The following MPPED2 variants were observed in gnomAD, a reference collection of about 807,000 sequenced individuals.
MPPED2 encodes the protein metallophosphoesterase domain containing 2, also known as metallophosphoesterase MPPED2.
Under a neutral mutation model 33.0 loss-of-function variants are expected in MPPED2, and 5 were observed. That is an observed-to-expected ratio of 0.15 (90% confidence interval 0.08 to 0.32). The LOEUF is 0.32. Ranked by LOEUF, MPPED2 falls within the 10% of genes least tolerant of loss-of-function variation. MPPED2 has a pLI of 1.00. For synonymous variants in MPPED2, 136 were observed against 141.9 expected (o/e 0.96, Z 0.29); for missense variants, 275 against 372.1 (o/e 0.74, Z 2.15).
intron 4 of MPPED2, among the ~76,000 whole-genome samples, chr11:30,422,256 C>T (rs1306639313): frequency 6.6e-6 from 1 of 152,170 alleles, no homozygotes; most frequent in Non-Finnish European, 1.5e-5. Flanking sequence ...GAACTTGGAG[C>T]CTGCTTACTC....
chr11:30,560,410 T>C (rs1956187696), intron 2 of MPPED2, among the ~76,000 whole-genome samples: 1 of 152,058 alleles, frequency 6.6e-6, no homozygotes, highest in African/African-American at 2.4e-5. Flanking sequence ...CATTTACTCT[T>C]AGTAAGCAGA....
At chr11:30,577,054 T>C (rs1956962384) in intron 2 of MPPED2, among the ~76,000 whole-genome samples, 1 of 152,112 alleles carries the variant, frequency 6.6e-6, no homozygotes, top group Non-Finnish European at 1.5e-5. Flanking sequence ...GGGGACTGGG[T>C]CTTATTTATT....
intron 4 of MPPED2, among the ~76,000 whole-genome samples, chr11:30,433,274 T>C (rs1015202274): frequency 1.3e-5 from 2 of 152,232 alleles, no homozygotes; most frequent in African/African-American, 2.4e-5. Context: ...GATTCTGAGA[T>C]ACCCTGCAGA....
chr11:30,450,811 G>A (rs1950024017), intron 4 of MPPED2, among the ~76,000 whole-genome samples: 1 of 152,164 alleles, frequency 6.6e-6, no homozygotes, highest in South Asian at 2.1e-4. Context: ...CTCTGTATCG[G>A]GTACAGATAG....
intron 2 of MPPED2, among the ~76,000 whole-genome samples, chr11:30,536,996 A>T (rs1954847739): frequency 1.3e-5 from 2 of 152,184 alleles, no homozygotes; most frequent in Non-Finnish European, 2.9e-5. Context: ...TAGAGACCTA[A>T]GCACTGTGAA....
intron 4 of MPPED2, among the ~76,000 whole-genome samples, chr11:30,492,904 C>G (rs1015872687): frequency 6.6e-6 from 1 of 152,044 alleles, no homozygotes; most frequent in African/African-American, 2.4e-5. Context: ...TCTTATCTGC[C>G]AAATGAGAAT....
chr11:30,518,704 A>C (rs989821518), intron 3 of MPPED2, among the ~76,000 whole-genome samples: 1 of 152,120 alleles, frequency 6.6e-6, no homozygotes, highest in African/African-American at 2.4e-5. Flanking sequence ...GATGAACTGA[A>C]CACTTTTCTT....
intron 3 of MPPED2, 147 bp downstream of exon 3, chr11:30,535,847 A>C: frequency 1.8e-6 from 1 of 565,804 alleles, no homozygotes; most frequent in Non-Finnish European, 2.9e-6. Flanking sequence ...TTTAATTAAC[A>C]GAATTGGATT....
intron 3 of MPPED2, among the ~76,000 whole-genome samples, chr11:30,516,866 A>C (rs2134345753): frequency 6.6e-6 from 1 of 152,322 alleles, no homozygotes; most frequent in South Asian, 2.1e-4. Context: ...CAATTGAGCA[A>C]GCATTTTCTT....
intron 4 of MPPED2, among the ~76,000 whole-genome samples, chr11:30,469,296 AAGT>A (rs1323035374): frequency 6.6e-6 from 1 of 152,186 alleles, no homozygotes; most frequent in African/African-American, 2.4e-5. Context: ...TTAATATCAA[AAGT>A]AGTATTGAAT....
Position 30,486,453 on chromosome 11 carries a change from A to C in MPPED2, c.536+8843T>G, listed in dbSNP as rs141855532. On this transcript the variant is annotated intron_variant, in intron 4 of 6. Coordinates refer to ENST00000358117, the MANE Select transcript of MPPED2 (RefSeq NM_001584.3). ...TATTTGACAATTGGTTTTAATGTCC[A>C]TAGGACGTTCTGAGGGCCCACCTGG... is the stretch of plus-strand genomic sequence containing the variant. Among the ~76,000 whole-genome samples, 11 of 152,338 alleles carry C rather than the reference A, an allele frequency of 7.2e-5. No individual in the cohort carries two copies. The East Asian group carries it at 2.1e-3, about 29-fold the overall frequency.
chr11:30,444,739 C>T (rs1279811396), intron 4 of MPPED2, among the ~76,000 whole-genome samples: 1 of 152,130 alleles, frequency 6.6e-6, no homozygotes, highest in African/African-American at 2.4e-5. Context: ...ATCTTCCCCA[C>T]TTGTTTAATT....
intron 3 of MPPED2, among the ~76,000 whole-genome samples, chr11:30,503,628 C>G (rs1269174425): frequency 6.6e-6 from 1 of 152,090 alleles, no homozygotes; most frequent in African/African-American, 2.4e-5. Context: ...GAAAGAGAGC[C>G]TCCAAAAGCA....
At chr11:30,407,539 AC>A (rs574765865), downstream of MPPED2, among the ~76,000 whole-genome samples, 105 of 152,278 alleles carry the variant, frequency 6.9e-4, no homozygotes, top group Middle Eastern at 0.02. Context: ...CAGAAACAAT[AC>A]CGCTGCTGCT....
At chr11:30,585,350 G>T (rs1295011647) in intron 1 of MPPED2, among the ~76,000 whole-genome samples, 2 of 151,990 alleles carry the variant, frequency 1.3e-5, no homozygotes, top group Non-Finnish European at 2.9e-5. Context: ...GCGGGGACGG[G>T]GTGAGAAAGA....
intron 3 of MPPED2, among the ~76,000 whole-genome samples, chr11:30,524,963 A>G (rs888685981): frequency 2.6e-5 from 4 of 152,194 alleles, no homozygotes; most frequent in Non-Finnish European, 5.9e-5. Context: ...CCATTCTAAC[A>G]ATAAAACCTC....
At chr11:30,503,727 C>T (rs73457708) in intron 3 of MPPED2, among the ~76,000 whole-genome samples, 8,263 of 152,210 alleles carry the variant, frequency 0.054, 735 homozygotes, top group African/African-American at 0.19. Context: ...TGCCCTCTCC[C>T]CTCTATTCTC....
In MPPED2 at chr11:30,559,587, T is replaced by G. The variant is rs117484029; in HGVS notation, c.128+20659A>C. On this transcript the variant is annotated intron_variant, in intron 2 of 6. Coordinates refer to ENST00000358117, the MANE Select transcript of MPPED2 (RefSeq NM_001584.3). ...GAATGAAATGTTTTTCCTAGATACA[T>G]TCTTTTAAATAATATGGGAACACAA... 2.2e-4 allele frequency among the ~76,000 whole-genome samples: 34 copies of G among 152,330 alleles called. No homozygotes were observed. In the East Asian group the frequency reaches 6.0e-3, roughly 27 times the overall value.
chr11:30,432,311 C>T (rs373459448), intron 4 of MPPED2, among the ~76,000 whole-genome samples: 2 of 152,028 alleles, frequency 1.3e-5, no homozygotes, highest in Middle Eastern at 3.2e-3. Context: ...TTCATTTTTC[C>T]GATACTCAGT....
Sources: allele counts gnomAD v4.1 joint callset (sites outside exome capture counted in the v4.1 genomes callset), GRCh38; gene constraint gnomAD v4.1.1; transcripts MANE v1.5; gene names NCBI Gene and HGNC (gene_info 2026-07-23, HGNC 2026-07-21).